Variants in PRDM16 observed in about 807,000 individuals in gnomAD.
The protein encoded by PRDM16 is PR/SET domain 16.
A neutral mutation model predicts 110.6 loss-of-function variants in PRDM16; 23 were observed. The ratio of observed to expected loss-of-function variants is 0.21; its 90% CI spans 0.15 to 0.29. The LOEUF is 0.29. PRDM16 is among the 10% of genes least tolerant of loss of function. The pLI is 1.00. For missense variants in PRDM16, 1,615 were observed against 1,794.3 expected, an observed-to-expected ratio of 0.90 and a Z score of 1.81; for synonymous variants, 799 against 781.8, an observed-to-expected ratio of 1.02 and a Z score of -0.37.
At chr1:3,352,645 G>A (rs1215593856) in intron 3 of PRDM16, among the ~76,000 whole-genome samples, 1 of 152,222 alleles carries the variant, frequency 6.6e-6, no homozygotes, top group Non-Finnish European at 1.5e-5. Context: ...GAATACTTGC[G>A]CTGGAATCGC....
At chr1:3,113,960 A>G (rs1040910491) in intron 1 of PRDM16, among the ~76,000 whole-genome samples, 12 of 152,174 alleles carry the variant, frequency 7.9e-5, no homozygotes, top group Non-Finnish European at 1.8e-4. Flanking sequence ...CCCACTCGGG[A>G]TGTGAAGGAC....
At chr1:3,419,623 G>T (rs1038812480) in intron 12 of PRDM16, among the ~76,000 whole-genome samples, 2 of 152,156 alleles carry the variant, frequency 1.3e-5, no homozygotes, top group South Asian at 2.1e-4. Context: ...GAGGCCATTG[G>T]GGATAAAGAG....
Position 3,251,780 on chromosome 1 carries a change from A to G in PRDM16, c.438+7643A>G, listed in dbSNP as rs556952857. 5.6e-4 allele frequency among the ~76,000 whole-genome samples: 85 copies of G among 152,342 alleles called. 1 individual carries two copies. Among genetic ancestry groups the G allele is most frequent in the African/African-American group, 1.9e-3 (81 of 41,574 alleles). On this transcript the variant is annotated intron_variant, in intron 3 of 16. Coordinates refer to ENST00000270722, the MANE Select transcript of PRDM16 (RefSeq NM_022114.4). The stretch of plus-strand genomic sequence containing the variant: ...ATAGGAGCCAGATGGTGGCGTCAAT[A>G]AACCCTGTCCATAATCTTCAGGTGG...
At chr1:3,189,519 C>T (rs1638245006) in intron 2 of PRDM16, among the ~76,000 whole-genome samples, 1 of 152,208 alleles carries the variant, frequency 6.6e-6, no homozygotes, top group Non-Finnish European at 1.5e-5. Context: ...CTCTGATGGT[C>T]CTGAATTTCA....
rs756551857 is a variant in PRDM16, at chr1:3,410,096, TTGTG to T, written c.1187-1281_1187-1278del. Among the ~76,000 whole-genome samples, 8 of 140,584 alleles carry T rather than the reference TTGTG, an allele frequency of 5.7e-5. No individual in the cohort carries two copies. The East Asian group carries it at 8.9e-4, about 16-fold the overall frequency. 92.2% of individuals were successfully genotyped at this position (140,584 alleles called of 152,430 possible). ...TGTGCATGTGTATGAATGTGTGTGG[TTGTG>T]TGTGTGCGTGTGTGTGGTGTGTGTG... On this transcript the variant is annotated intron_variant, in intron 8 of 16. Coordinates refer to ENST00000270722, the MANE Select transcript of PRDM16 (RefSeq NM_022114.4).
rs1463664517 is a variant in PRDM16 at position 3,143,780 on chromosome 1, TC to T, written c.38-42344del. Among the ~76,000 whole-genome samples the T allele has an allele frequency of 6.6e-6, 1 of 152,150 alleles. No individual in the cohort carries two copies. Among genetic ancestry groups the T allele is most frequent in the Non-Finnish European group, 1.5e-5 (1 of 68,030 alleles). On this transcript the variant is annotated intron_variant, in intron 1 of 16. Coordinates refer to ENST00000270722, the MANE Select transcript of PRDM16 (RefSeq NM_022114.4). The surrounding 1 kb of genome is among the most constrained non-coding windows in gnomAD (Gnocchi z 4.5). Reference sequence around the variant, plus strand: ...GCTTGAGCCACCGCGTCCGGCTTATTCTTTTTTTCTAAATAGTGAGGCCCAG... The same window carrying T: ...GCTTGAGCCACCGCGTCCGGCTTATTTTTTTTTCTAAATAGTGAGGCCCAG...
chr1:3,077,385 C>T (rs974279975), intron 1 of PRDM16, among the ~76,000 whole-genome samples: 1 of 152,238 alleles, frequency 6.6e-6, no homozygotes, highest in African/African-American at 2.4e-5. Flanking sequence ...CCCTCCCTCA[C>T]TGCTGCTGGA....
rs762045835 is a variant in PRDM16, at chr1:3,278,732, G to A, written c.438+34595G>A. Among the ~76,000 whole-genome samples the A allele has an allele frequency of 2.0e-5, 3 of 152,194 alleles. No individual in the cohort carries two copies. The East Asian group carries it at 5.8e-4, about 29-fold the overall frequency. On this transcript the variant is annotated intron_variant, in intron 3 of 16. Transcript: ENST00000270722. ...GACCCTTAGAAAACTGGCCACCCGA[G>A]AACTTTTCCAGTGTGACTGCTGGCC...
chr1:3,336,230 G>A (rs933876993), intron 3 of PRDM16, among the ~76,000 whole-genome samples: 2 of 152,248 alleles, frequency 1.3e-5, no homozygotes, highest in Admixed American at 6.5e-5. Flanking sequence ...ATGTGTGCAC[G>A]TGCGTATATA....
chr1:3,138,120 C>G (rs979196445), intron 1 of PRDM16, among the ~76,000 whole-genome samples: 14 of 152,232 alleles, frequency 9.2e-5, no homozygotes, highest in African/African-American at 3.4e-4. Context: ...GACACGAAAG[C>G]AGGGGGACCC....
intron 3 of PRDM16, among the ~76,000 whole-genome samples, chr1:3,341,019 G>A (rs777619565): frequency 2.0e-5 from 3 of 148,998 alleles, no homozygotes; most frequent in Non-Finnish European, 4.4e-5. Flanking sequence ...AGGCTAGGGA[G>A]GGGGATGTGT....
intron 3 of PRDM16, among the ~76,000 whole-genome samples, chr1:3,311,788 T>C (rs1641466904): frequency 6.6e-6 from 1 of 152,154 alleles, no homozygotes; most frequent in African/African-American, 2.4e-5. Context: ...GTTCGACATC[T>C]TTCTCAGAAG....
At chr1:3,119,144 G>A (rs920582643) in intron 1 of PRDM16, among the ~76,000 whole-genome samples, 2 of 152,216 alleles carry the variant, frequency 1.3e-5, no homozygotes, top group South Asian at 2.1e-4. Context: ...GTGACTTCCA[G>A]CTGCACAGCT....
chr1:3,165,173 T>C lies in PRDM16; in HGVS notation c.38-20952T>C, dbSNP rs1448582786. Among the ~76,000 whole-genome samples, 3 of 152,166 alleles carry C rather than the reference T, an allele frequency of 2.0e-5. No individual in the cohort carries two copies. In the East Asian group the frequency reaches 5.8e-4, roughly 29 times the overall value. ...GCGCCCGTGGGCTCAGGAGTGGGGCTTACCTAGGCCCAGGGACAGGGACTT... is the reference window on the plus strand; with the variant it reads ...GCGCCCGTGGGCTCAGGAGTGGGGCCTACCTAGGCCCAGGGACAGGGACTT... On this transcript the variant is annotated intron_variant, in intron 1 of 16. Coordinates refer to ENST00000270722, the MANE Select transcript of PRDM16 (RefSeq NM_022114.4).
chr1:3,309,059 T>A (rs1641379725), intron 3 of PRDM16: 1 of 152,206 alleles, frequency 6.6e-6, no homozygotes, highest in South Asian at 2.1e-4. Flanking sequence ...TAGCCCCTGG[T>A]ATCCCCCAGT....
intron 4 of PRDM16, among the ~76,000 whole-genome samples, chr1:3,387,731 T>A (rs1022558974): frequency 2.6e-5 from 4 of 152,204 alleles, no homozygotes; most frequent in East Asian, 1.9e-4. Flanking sequence ...AGTTGGCAGC[T>A]TCTTCTCCTG....
intron 9 of PRDM16, among the ~76,000 whole-genome samples, chr1:3,414,019 C>T (rs778012021): frequency 2.0e-5 from 3 of 152,200 alleles, no homozygotes; most frequent in Non-Finnish European, 2.9e-5. Flanking sequence ...TTCATCAGCA[C>T]ACACGGGCAG....
intron 3 of PRDM16, among the ~76,000 whole-genome samples, chr1:3,252,098 G>A (rs1269517655): frequency 6.6e-6 from 1 of 152,208 alleles, no homozygotes; most frequent in Non-Finnish European, 1.5e-5. Flanking sequence ...TGGGTGCTGG[G>A]ACTCCTTGGG....
intron 3 of PRDM16, among the ~76,000 whole-genome samples, chr1:3,272,788 G>A (rs374376238): frequency 5.4e-5 from 8 of 147,126 alleles, no homozygotes; most frequent in South Asian, 4.9e-4. Flanking sequence ...GGGCGAGGCC[G>A]AGCCCATCTC....
Sources: allele counts gnomAD v4.1 joint callset (sites outside exome capture counted in the v4.1 genomes callset), GRCh38; gene constraint gnomAD v4.1.1; non-coding constraint Gnocchi (gnomAD v3.1); transcripts MANE v1.5; gene names NCBI Gene and HGNC (gene_info 2026-07-23, HGNC 2026-07-21).